BRAF: variants seen among roughly 807,000 people sequenced by gnomAD.
The protein encoded by BRAF is serine/threonine-protein kinase B-raf.
In BRAF, 16 loss-of-function variants were observed where a neutral mutation model predicts 104.6. That is an observed-to-expected ratio of 0.15 (90% CI 0.10 to 0.23). The LOEUF (loss-of-function observed/expected upper bound fraction) is 0.23. Among genes scored for constraint, BRAF ranks in the 10% least tolerant of loss-of-function variants. The pLI, the probability that BRAF is intolerant of heterozygous loss-of-function variation, is 1.00. For synonymous variants in BRAF, 310 were observed against 341.6 expected, an observed-to-expected ratio of 0.91 and a Z score of 1.02; for missense variants, 541 against 937.3, an observed-to-expected ratio of 0.58 and a Z score of 5.52.
At chr7:140,887,130 TA>T (rs1813660278) in intron 1 of BRAF, among the ~76,000 whole-genome samples, 1 of 152,230 alleles carries the variant, frequency 6.6e-6, no homozygotes. Context: ...GAAAACTTTG[TA>T]TAATAATTCA....
At chr7:140,754,283 C>A (rs889385940) in intron 14 of BRAF, 50 bp from the exon 14 acceptor site, 6 of 1,528,638 alleles carry the variant, frequency 3.9e-6, no homozygotes, top group Non-Finnish European at 4.5e-6. Flanking sequence ...AGGACTCTGG[C>A]CTCGAAATCT....
chr7:140,835,074 A>G, intron 2 of BRAF: 2 of 614,632 alleles, frequency 3.3e-6, no homozygotes, highest in Non-Finnish European at 5.6e-6. Context: ...TAGACACTAC[A>G]CTATATTACA....
chr7:140,715,063 G>A (rs1795106537), downstream of BRAF, among the ~76,000 whole-genome samples: 1 of 152,150 alleles, frequency 6.6e-6, no homozygotes, highest in South Asian at 2.1e-4. Context: ...AGCAGACCAG[G>A]GCCACAGGTT....
chr7:140,725,837 G>A lies in BRAF; in HGVS notation c.*657C>T, dbSNP rs1795571118. 2 of 1,063,254 alleles carry A rather than the reference G, an allele frequency of 1.9e-6. No homozygotes were observed. The highest frequency in any genetic ancestry group is 2.3e-6 in the Non-Finnish European group (2 of 878,074). The allele number at this position is 1,063,254 out of a possible 1,614,324, so 65.9% of individuals were successfully genotyped here. On this transcript the variant is annotated 3_prime_UTR_variant, in exon 20 of 20. Transcript: ENST00000644969. ...GAAACAAAAGGCCAGAGACCCCGGA[G>A]GTCAGGAAGAAGATGCAGCATGCCC...
intron 1 of BRAF, among the ~76,000 whole-genome samples, chr7:140,874,143 T>C (rs1811927408): frequency 6.6e-6 from 1 of 151,564 alleles, no homozygotes; most frequent in African/African-American, 2.4e-5. Context: ...AGTAGACGAT[T>C]GGGATAGAGG....
intron 19 of BRAF, among the ~76,000 whole-genome samples, chr7:140,727,296 GC>G (rs1300377326): frequency 6.6e-6 from 1 of 150,884 alleles, no homozygotes; most frequent in East Asian, 2.0e-4. Flanking sequence ...TGATTCTCCT[GC>G]CTCAGCCTCC....
chr7:140,763,816 AC>A (rs1799034588), intron 14 of BRAF, among the ~76,000 whole-genome samples: 1 of 152,222 alleles, frequency 6.6e-6, no homozygotes, highest in South Asian at 2.1e-4. Context: ...TAGCTTACCA[AC>A]CAAAAAGAGT....
chr7:140,825,474 G>C lies in BRAF; in HGVS notation c.504+9135C>G, dbSNP rs534969498. Among the ~76,000 whole-genome samples the C allele has an allele frequency of 1.3e-5, 2 of 152,122 alleles. 1 individual carries two copies. The highest frequency in any genetic ancestry group is 4.1e-4 in the South Asian group (2 of 4,824). ...ACTGTGCTTCTGGTGTCATATTTAA[G>C]AAATCTTTGCCAAACCCCAGGTCAC... is the stretch of plus-strand genomic sequence containing the variant. On this transcript the variant is annotated intron_variant, in intron 3 of 19. Transcript: ENST00000644969.
At chr7:140,787,015 C>T (rs1033157914) in intron 9 of BRAF, among the ~76,000 whole-genome samples, 2 of 152,108 alleles carry the variant, frequency 1.3e-5, no homozygotes, top group Non-Finnish European at 2.9e-5. Context: ...TTAAGACTTC[C>T]TTTTGGCCGG....
chr7:140,751,692 C>T (rs1319621051), intron 16 of BRAF, among the ~76,000 whole-genome samples: 1 of 152,124 alleles, frequency 6.6e-6, no homozygotes, highest in Admixed American at 6.5e-5. Context: ...TCCCCTCTTC[C>T]ACCTTGCCAC....
intron 8 of BRAF, among the ~76,000 whole-genome samples, chr7:140,792,991 C>G (rs1293452329): frequency 1.3e-5 from 2 of 152,134 alleles, no homozygotes; most frequent in Non-Finnish European, 2.9e-5. Context: ...GGCAGAAAAT[C>G]TATTTAGGAG....
Position 140,720,089 on chromosome 7 carries a change from T to C in BRAF, c.*6405A>G, listed in dbSNP as rs1795249711. 1 of 1,060,334 alleles carries C rather than the reference T, an allele frequency of 9.4e-7. No homozygotes were observed. Among genetic ancestry groups the C allele is most frequent in the African/African-American group, 1.6e-5 (1 of 60,920 alleles). 65.7% of individuals were successfully genotyped at this position (1,060,334 alleles called of 1,614,324 possible). ...TAAACCAAAGAGCAATGACAACTAC[T>C]GAATAAAATTCAGAGACACATGTTG... On this transcript the variant is annotated 3_prime_UTR_variant, in exon 20 of 20. Coordinates refer to ENST00000644969, the MANE Select transcript of BRAF (RefSeq NM_001374258.1).
rs1795270397 is a variant in BRAF at position 140,720,535 on chromosome 7, G to T, written c.*5959C>A. The T allele has an allele frequency of 9.4e-7, 1 of 1,064,850 alleles. No homozygotes were observed. The highest frequency in any genetic ancestry group is 5.3e-5 in the Admixed American group (1 of 18,700). The allele number at this position is 1,064,850 out of a possible 1,614,324, so 66.0% of individuals were successfully genotyped here. A position where few individuals can be genotyped will look rare whatever the true frequency, so the allele number is the denominator to read the frequency against. ...ATACACAAATGTATTAGGAAGGAATGATTCTTAAAAAAACCGTTCACAGCT... is the reference window on the plus strand; with the variant it reads ...ATACACAAATGTATTAGGAAGGAATTATTCTTAAAAAAACCGTTCACAGCT... On this transcript the variant is annotated 3_prime_UTR_variant, in exon 20 of 20. Coordinates refer to ENST00000644969, the MANE Select transcript of BRAF (RefSeq NM_001374258.1).
At chr7:140,758,200 G>A (rs1055748051) in intron 14 of BRAF, 3 of 152,124 alleles carry the variant, frequency 2.0e-5, no homozygotes, top group Admixed American at 6.5e-5. Context: ...CTCCTTGGGT[G>A]ACCACCTGGA....
chr7:140,880,944 T>C lies in BRAF; in HGVS notation c.139-30732A>G, dbSNP rs375826868. ...ATGATCACACCAGCCTGGGCAAGAA[T>C]GAGACCCTGTCTCAAAACAAAAAAA... is the stretch of plus-strand genomic sequence containing the variant. On this transcript the variant is annotated intron_variant, in intron 1 of 19. Coordinates refer to ENST00000644969, the MANE Select transcript of BRAF (RefSeq NM_001374258.1). Among the ~76,000 whole-genome samples, 25 of 152,154 alleles carry C rather than the reference T, an allele frequency of 1.6e-4. 1 individual carries two copies. The highest frequency in any genetic ancestry group is 5.8e-4 in the African/African-American group (24 of 41,500).
chr7:140,799,287 CCTCT>C (rs1456593405), intron 7 of BRAF: 1 of 232,356 alleles, frequency 4.3e-6, no homozygotes, highest in African/African-American at 2.2e-5. Flanking sequence ...GTCTTCACTG[CCTCT>C]CTCAGTTTTC....
chr7:140,918,461 C>T (rs1263817666), intron 1 of BRAF, among the ~76,000 whole-genome samples: 2 of 152,150 alleles, frequency 1.3e-5, no homozygotes, highest in African/African-American at 2.4e-5. Context: ...CCACTCACCT[C>T]CTGCGGTGTA....
chr7:140,854,240 T>G (rs1809521712), intron 1 of BRAF, among the ~76,000 whole-genome samples: 1 of 152,220 alleles, frequency 6.6e-6, no homozygotes, highest in Non-Finnish European at 1.5e-5. Flanking sequence ...TCGGCAAAAC[T>G]GTTTTCTAAG....
intron 1 of BRAF, among the ~76,000 whole-genome samples, chr7:140,884,818 T>C (rs1813372050): frequency 6.6e-6 from 1 of 151,910 alleles, no homozygotes; most frequent in Non-Finnish European, 1.5e-5. Context: ...GCTATCAGTA[T>C]TTACCACATT....
Sources: allele counts gnomAD v4.1 joint callset (sites outside exome capture counted in the v4.1 genomes callset), GRCh38; gene constraint gnomAD v4.1.1; transcripts MANE v1.5; gene names NCBI Gene and HGNC (gene_info 2026-07-23, HGNC 2026-07-21).